Variants in UGT1A7 observed in about 807,000 individuals in gnomAD.
The protein encoded by UGT1A7 is UDP glucuronosyltransferase family 1 member A7.
In UGT1A7, 33 loss-of-function variants were observed where a neutral mutation model predicts 45.6. The ratio of observed to expected loss-of-function variants is 0.72; its 90% CI spans 0.55 to 0.97. The LOEUF (loss-of-function observed/expected upper bound fraction) is 0.97. UGT1A7 is among the 50% of genes least tolerant of loss of function. UGT1A7 has a pLI of 0.00. For missense variants in UGT1A7, 684 were observed against 666.2 expected, an observed-to-expected ratio of 1.03 and a Z score of -0.29; for synonymous variants, 274 against 250.6, an observed-to-expected ratio of 1.09 and a Z score of -0.88.
At chr2:233,748,117 C>G in intron 1 of UGT1A7, 1 of 1,611,604 alleles carries the variant, frequency 6.2e-7, no homozygotes, top group Non-Finnish European at 8.5e-7. Context: ...ATGTTCCAGG[C>G]AAAACAGTTT....
chr2:233,731,284 CTT>C (rs78127606), intron 1 of UGT1A7, among the ~76,000 whole-genome samples: 38 of 139,732 alleles, frequency 2.7e-4, no homozygotes, highest in East Asian at 1.2e-3. Context: ...GTTTTTCTTT[CTT>C]TTTTTTTTTT....
chr2:233,768,189 C>T, intron 3 of UGT1A7, 31 bp from the exon 4 acceptor site: 1 of 1,614,040 alleles, frequency 6.2e-7, no homozygotes. Flanking sequence ...AGAGATGTAA[C>T]TGCTGACATC....
In UGT1A7 at chr2:233,683,245, G is replaced by GT. The variant is rs555678771; in HGVS notation, c.855+460dup. Among the ~76,000 whole-genome samples the GT allele has an allele frequency of 1.1e-4, 17 of 152,028 alleles. No individual in the cohort carries two copies. The South Asian group carries it at 3.3e-3, about 30-fold the overall frequency. ...TAAAATCTACTATCATGCTGGCTAT[G>GT]TTTTTTTATGTTAGATTTTTCTCTT... On this transcript the variant is annotated intron_variant, in intron 1 of 4. Transcript: ENST00000373426.
chr2:233,719,115 G>C lies in UGT1A7; in HGVS notation c.855+36323G>C, dbSNP rs774010631. 3.5e-5 allele frequency: 57 copies of C among 1,614,126 alleles called. No homozygotes were observed. Among genetic ancestry groups the C allele is most frequent in the Non-Finnish European group, 4.5e-5 (53 of 1,180,048 alleles). The stretch of plus-strand genomic sequence containing the variant: ...TCGCGTTACGCTGGGCTACACTCAA[G>C]GGTTCTTTGAAACAGAACATCTTCT... On this transcript the variant is annotated intron_variant, in intron 1 of 4. Transcript: ENST00000373426.
intron 1 of UGT1A7, chr2:233,717,837 C>A (rs761149385): frequency 2.4e-5 from 11 of 455,250 alleles, no homozygotes; most frequent in South Asian, 1.7e-4. Context: ...CTGGAGGAAC[C>A]ATTCTTATCA....
intron 1 of UGT1A7, chr2:233,754,910 C>G: frequency 7.4e-7 from 1 of 1,353,942 alleles, no homozygotes; most frequent in South Asian, 1.1e-5. Flanking sequence ...CCAAAATATT[C>G]TCCAGCGGGT....
chr2:233,738,062 G>A lies in UGT1A7; in HGVS notation c.856-28972G>A, dbSNP rs1045762384. ...GTGTTGAGGACAGGACATGGTGGGA[G>A]GTCCCCACCTCCTAATCTCATCATA... On this transcript the variant is annotated intron_variant, in intron 1 of 4. Coordinates refer to ENST00000373426, the MANE Select transcript of UGT1A7 (RefSeq NM_019077.3). 4.6e-5 allele frequency among the ~76,000 whole-genome samples: 7 copies of A among 152,180 alleles called. 1 individual carries two copies. The highest frequency in any genetic ancestry group is 4.2e-4 in the South Asian group (2 of 4,808).
chr2:233,742,737 C>A (rs1559386227), intron 1 of UGT1A7: 1 of 152,816 alleles, frequency 6.5e-6, no homozygotes, highest in Non-Finnish European at 1.5e-5. Flanking sequence ...ATTCAAATGT[C>A]TGACCTCCAA....
At chr2:233,691,135 A>G (rs2075030169) in intron 1 of UGT1A7, 2 of 985,700 alleles carry the variant, frequency 2.0e-6, no homozygotes, top group Non-Finnish European at 2.4e-6. Flanking sequence ...TTCTTCCTCT[A>G]GATGAACTGT....
intron 1 of UGT1A7, among the ~76,000 whole-genome samples, chr2:233,759,577 C>A (rs970785241): frequency 2.6e-5 from 4 of 151,886 alleles, no homozygotes; most frequent in Admixed American, 2.6e-4. Flanking sequence ...CATTCTCTAC[C>A]CCAGCACGCC....
intron 1 of UGT1A7, chr2:233,754,418 A>T: frequency 2.9e-6 from 1 of 342,598 alleles, no homozygotes; most frequent in Non-Finnish European, 5.7e-6. Context: ...CAATAAAGAC[A>T]GGCATTGGCA....
At chr2:233,733,232 T>G (rs2078369792) in intron 1 of UGT1A7, among the ~76,000 whole-genome samples, 1 of 152,224 alleles carries the variant, frequency 6.6e-6, no homozygotes, top group Non-Finnish European at 1.5e-5. Flanking sequence ...GTTTTCTAAA[T>G]ATACAATCAT....
chr2:233,690,318 G>A (rs747863632), intron 1 of UGT1A7, among the ~76,000 whole-genome samples: 2 of 152,128 alleles, frequency 1.3e-5, no homozygotes, highest in South Asian at 2.1e-4. Context: ...CTTATGGGTC[G>A]TAGGTCATAC....
chr2:233,692,118 A>G (rs917986255), intron 1 of UGT1A7: 1 of 152,200 alleles, frequency 6.6e-6, no homozygotes, highest in East Asian at 1.9e-4. Context: ...AATCTAATCA[A>G]TCATGCCTAC....
chr2:233,760,572 C>T (rs1697490823), intron 1 of UGT1A7: 12 of 1,614,062 alleles, frequency 7.4e-6, no homozygotes, highest in East Asian at 2.2e-5. Context: ...TTGTTAGTCT[C>T]GGGCATAATG....
intron 1 of UGT1A7, chr2:233,693,205 G>C (rs764136609): frequency 1.9e-6 from 3 of 1,614,010 alleles, no homozygotes; most frequent in African/African-American, 1.3e-5. Flanking sequence ...ATTTGCTTTT[G>C]AAAGAATCCA....
chr2:233,744,946 A>G (rs563141954), intron 1 of UGT1A7, among the ~76,000 whole-genome samples: 4 of 152,034 alleles, frequency 2.6e-5, no homozygotes, highest in African/African-American at 7.3e-5. Context: ...CAGTATTTGT[A>G]TATAACCTAC....
At chr2:233,733,583 G>C (rs2078417703) in intron 1 of UGT1A7, among the ~76,000 whole-genome samples, 2 of 152,122 alleles carry the variant, frequency 1.3e-5, no homozygotes, top group Admixed American at 1.3e-4. Context: ...TTTGTCATTG[G>C]TTCTGTTTAT....
At chr2:233,738,254 G>A (rs1281964200) in intron 1 of UGT1A7, among the ~76,000 whole-genome samples, 3 of 152,180 alleles carry the variant, frequency 2.0e-5, no homozygotes, top group Admixed American at 1.3e-4. Context: ...TGGAACTGGA[G>A]TCAATTAAAG....
Sources: allele counts gnomAD v4.1 joint callset (sites outside exome capture counted in the v4.1 genomes callset), GRCh38; gene constraint gnomAD v4.1.1; transcripts MANE v1.5; gene names NCBI Gene and HGNC (gene_info 2026-07-23, HGNC 2026-07-21).